PIEZO1: variants seen among roughly 807,000 people sequenced by gnomAD.
The protein encoded by PIEZO1 is piezo type mechanosensitive ion channel component 1 (Er blood group).
A neutral mutation model predicts 297.2 loss-of-function variants in PIEZO1; 296 were observed. The observed-to-expected ratio is 1.00, with a 90% CI of 0.91 to 1.10. PIEZO1 has a LOEUF of 1.10. Among genes scored for constraint, PIEZO1 ranks in the 50% least tolerant of loss-of-function variants. PIEZO1 has a pLI of 0.00. For synonymous variants in PIEZO1, 2,427 were observed against 1,507.5 expected (o/e 1.61, Z -14.13); for missense variants, 5,018 against 3,455.5 (o/e 1.45, Z -11.34).
At position 88,726,704 on chromosome 16, in the gene PIEZO1, C is replaced by T. The variant is rs558874354; in HGVS notation, c.3699+11G>A. 123 of 1,482,374 alleles carry T rather than the reference C, an allele frequency of 8.3e-5. No homozygotes were observed. Among genetic ancestry groups the T allele is most frequent in the East Asian group, 3.7e-4 (15 of 40,758 alleles). The allele number at this position is 1,482,374 out of a possible 1,614,324, so 91.8% of individuals were successfully genotyped here. On this transcript the variant is annotated intron_variant, in intron 25 of 50. Coordinates refer to ENST00000301015, the MANE Select transcript of PIEZO1 (RefSeq NM_001142864.4). ...CCCAGGGCGGTGGGTGCGGGGGGGC[C>T]GGAGGCTCACCGACAGCATGTTCTT...
intron 22 of PIEZO1, among the ~76,000 whole-genome samples, chr16:88,728,336 C>T (rs1442369731): frequency 1.3e-5 from 2 of 152,240 alleles, no homozygotes; most frequent in East Asian, 3.9e-4. Flanking sequence ...CTCCACGCAT[C>T]TGCGAAACCC....
rs34679131 is a variant in PIEZO1 at position 88,719,655 on chromosome 16, C to T, written c.6390G>A (p.Thr2130=). The T allele has an allele frequency of 0.02, 30,914 of 1,553,840 alleles. 712 individuals are homozygous for T. The highest frequency in any genetic ancestry group is 0.077 in the South Asian group (6,523 of 84,216). Residue 2130 remains threonine (T), a synonymous_variant, in exon 44 of 51, where the codon ACG becomes ACA. Coordinates refer to ENST00000301015, the MANE Select transcript of PIEZO1 (RefSeq NM_001142864.4). ...AVMDWVWTDT[T]LSLSSWMCVE... ...CACACATCCAGCTGGACAGGGACAGCGTGGTGTCCGTCCACACCCAGTCCA... is the reference window on the plus strand; with the variant it reads ...CACACATCCAGCTGGACAGGGACAGTGTGGTGTCCGTCCACACCCAGTCCA...
chr16:88,745,912 C>T, intron 2 of PIEZO1, among the ~76,000 whole-genome samples: 1 of 152,138 alleles, frequency 6.6e-6, no homozygotes, highest in Non-Finnish European at 1.5e-5. Context: ...GCACGGCCTG[C>T]AAAGGCTGAG....
At chr16:88,757,384 A>T (rs1906727994) in intron 1 of PIEZO1, among the ~76,000 whole-genome samples, 1 of 149,488 alleles carries the variant, frequency 6.7e-6, no homozygotes, top group South Asian at 2.1e-4. Flanking sequence ...CTCCAATGAC[A>T]GTGCCTGAGA....
At chr16:88,735,730 C>G (rs868722423) in intron 12 of PIEZO1, among the ~76,000 whole-genome samples, 8 of 152,280 alleles carry the variant, frequency 5.3e-5, no homozygotes, top group Non-Finnish European at 7.3e-5. Flanking sequence ...CCTGTGAACA[C>G]ATGGCCTGCA....
At chr16:88,761,811 C>A (rs1338734078) in intron 1 of PIEZO1, among the ~76,000 whole-genome samples, 2 of 151,838 alleles carry the variant, frequency 1.3e-5, no homozygotes, top group Non-Finnish European at 2.9e-5. Flanking sequence ...GCAGCGCTGC[C>A]AGGGTGTGGA....
At chr16:88,776,895 G>A (rs1450393635) in intron 1 of PIEZO1, among the ~76,000 whole-genome samples, 2 of 152,224 alleles carry the variant, frequency 1.3e-5, no homozygotes, top group African/African-American at 2.4e-5. Context: ...CGCCCGGCAG[G>A]AGATCTGGGC....
intron 39 of PIEZO1, 97 bp from the exon 40 acceptor site, chr16:88,720,845 A>T (rs1228430865): frequency 1.5e-6 from 2 of 1,319,108 alleles, no homozygotes; most frequent in African/African-American, 3.0e-5. Flanking sequence ...TCCCTGTTTG[A>T]CAGACAAGCA....
chr16:88,765,835 G>A (rs568107213), intron 1 of PIEZO1, among the ~76,000 whole-genome samples: 6 of 152,024 alleles, frequency 3.9e-5, no homozygotes, highest in Admixed American at 1.3e-4. Context: ...CACCACACCC[G>A]GCTAATTTTT....
At chr16:88,767,217 G>C (rs549291907) in intron 1 of PIEZO1, among the ~76,000 whole-genome samples, 1 of 152,138 alleles carries the variant, frequency 6.6e-6, no homozygotes, top group Non-Finnish European at 1.5e-5. Flanking sequence ...ACATCCTTAC[G>C]GGAAGGAGAC....
At position 88,716,636 on chromosome 16, in the gene PIEZO1, G is replaced by C. The variant is rs1264054211; in HGVS notation, c.6849C>G (p.Pro2283=). The change falls in exon 47 of 51, where the codon CCC becomes CCG. Residue 2283 remains proline, a synonymous_variant. Coordinates refer to ENST00000301015, the MANE Select transcript of PIEZO1 (RefSeq NM_001142864.4). ...GCTCCCGCTTCATCTGGGCACGGCT[G>C]GGGGGACTGATGCGCCACAGCGCCC... The part of the protein sequence containing the change: ...SSGALWRISP[P]SRAQMKRELY... 6 of 1,549,588 alleles carry C rather than the reference G, an allele frequency of 3.9e-6. No individual in the cohort carries two copies. The South Asian group carries it at 4.8e-5, about 12-fold the overall frequency.
chr16:88,718,923 G>A (rs1276942015), intron 44 of PIEZO1: 1 of 154,338 alleles, frequency 6.5e-6, no homozygotes, highest in East Asian at 1.9e-4. Context: ...TGCCCAGGCT[G>A]GTCTTAAAAC....
In PIEZO1 at chr16:88,716,129, A is replaced by T; in HGVS notation, c.7130-10T>A. 6.5e-7 allele frequency: 1 copy of T among 1,538,938 alleles called. No homozygotes were observed. Among genetic ancestry groups the T allele is most frequent in the Non-Finnish European group, 8.8e-7 (1 of 1,138,844 alleles). On this transcript the variant is annotated splice_polypyrimidine_tract_variant and intron_variant, in intron 49 of 50. Coordinates refer to ENST00000301015, the MANE Select transcript of PIEZO1 (RefSeq NM_001142864.4). The stretch of plus-strand genomic sequence containing the variant: ...TAGTCGGCCTCCTCATCTGGGATGG[A>T]GGGAGAAGATCGTTGAGGCCGCAGG...
Position 88,726,506 on chromosome 16 carries a change from G to A in PIEZO1, c.3796+41C>T, listed in dbSNP as rs531537471. 7.8e-6 allele frequency: 12 copies of A among 1,546,170 alleles called. No homozygotes were observed. The African/African-American group carries it at 1.4e-4, about 18-fold the overall frequency. Reference sequence around the variant, plus strand: ...CAGGCCCAGGGCCCAGGAGCAGGGGGCTTCCCCACGCCCTCCCCCGCCACC... The same window carrying A: ...CAGGCCCAGGGCCCAGGAGCAGGGGACTTCCCCACGCCCTCCCCCGCCACC... On this transcript the variant is annotated intron_variant, in intron 26 of 50. Coordinates refer to ENST00000301015, the MANE Select transcript of PIEZO1 (RefSeq NM_001142864.4).
At chr16:88,729,571 C>A (rs112825927) in intron 22 of PIEZO1, among the ~76,000 whole-genome samples, 19,357 of 109,428 alleles carry the variant, frequency 0.18, 2,572 homozygotes, top group African/African-American at 0.36. Context: ...ACCTCGTGAC[C>A]CAAAAACAAA....
At position 88,715,608 on chromosome 16, in the gene PIEZO1, C is replaced by G. The variant is rs1341641917; in HGVS notation, c.7563G>C (p.Glu2521Asp). Residue 2521 changes from glutamate to aspartate, a missense_variant, in exon 51 of 51, where the codon GAG becomes GAC. Glu to Asp is a conservative substitution (Grantham distance 45, BLOSUM62 2). Transcript: ENST00000301015. The stretch of plus-strand genomic sequence containing the variant: ...TCTCGGGCGCCAGCAGCAGCTCCTA[C>G]TCCTTCTCACGAGTCCACTTGATCA... ...ETMIKWTREK[E>D] 1 of 1,549,680 alleles carries G rather than the reference C, an allele frequency of 6.5e-7. No individual in the cohort carries two copies. The highest frequency in any genetic ancestry group is 1.4e-5 in the African/African-American group (1 of 73,174).
intron 22 of PIEZO1, among the ~76,000 whole-genome samples, chr16:88,730,187 G>T (rs577572663): frequency 6.6e-6 from 1 of 152,248 alleles, no homozygotes; most frequent in South Asian, 2.1e-4. Flanking sequence ...CCCAGACCCC[G>T]GGCTCTAAAC....
intron 1 of PIEZO1, among the ~76,000 whole-genome samples, chr16:88,757,492 T>C (rs1906733576): frequency 6.7e-6 from 1 of 148,628 alleles, no homozygotes; most frequent in Non-Finnish European, 1.5e-5. Context: ...GACAGGTGCT[T>C]GAACAAGGGC....
chr16:88,733,102 C>G, intron 19 of PIEZO1, 176 bp downstream of exon 19: 1 of 634,190 alleles, frequency 1.6e-6, no homozygotes, highest in Non-Finnish European at 2.7e-6. Context: ...CGCCCCTGGT[C>G]CACAGTTGAG....
Sources: allele counts gnomAD v4.1 joint callset (sites outside exome capture counted in the v4.1 genomes callset), GRCh38; gene constraint gnomAD v4.1.1; transcripts MANE v1.5; gene names NCBI Gene and HGNC (gene_info 2026-07-23, HGNC 2026-07-21).